REV1: variants seen among roughly 807,000 people sequenced by gnomAD.
REV1 encodes REV1 DNA directed polymerase, also known as translesion synthesis protein REV1.
REV1 carries 42 observed loss-of-function variants against 137.4 expected under a neutral mutation model. The ratio of observed to expected loss-of-function variants is 0.31; its 90% confidence interval spans 0.24 to 0.40. The LOEUF (loss-of-function observed/expected upper bound fraction) is 0.40. Among genes scored for constraint, REV1 ranks in the 10% least tolerant of loss-of-function variants. The pLI is 1.00. For missense variants in REV1, 1,282 were observed against 1,490.1 expected, an observed-to-expected ratio of 0.86 and a Z score of 2.30; for synonymous variants, 524 against 519.2, an observed-to-expected ratio of 1.01 and a Z score of -0.12.
chr2:99,409,580 A>G (rs1559291035), intron 14 of REV1, among the ~76,000 whole-genome samples: 1 of 152,214 alleles, frequency 6.6e-6, no homozygotes. Flanking sequence ...ACATTGGCTC[A>G]TGCCTGTAAT....
At chr2:99,408,598 TTTCA>T (rs1258091201) in intron 14 of REV1, among the ~76,000 whole-genome samples, 3 of 152,232 alleles carry the variant, frequency 2.0e-5, no homozygotes, top group Non-Finnish European at 4.4e-5. Flanking sequence ...TTGACTCTCC[TTTCA>T]TTGTGTTTAC....
chr2:99,470,030 A>C (rs2105210278), intron 1 of REV1, among the ~76,000 whole-genome samples: 1 of 152,080 alleles, frequency 6.6e-6, no homozygotes, highest in East Asian at 1.9e-4. Context: ...CTGAGGCAGG[A>C]GAATGGCGTG....
intron 3 of REV1, chr2:99,451,538 A>C: frequency 8.0e-7 from 1 of 1,257,356 alleles, no homozygotes; most frequent in Non-Finnish European, 1.1e-6. Flanking sequence ...CTATGGAATA[A>C]GACCGATCTG....
chr2:99,474,739 TAA>T (rs1685782558), intron 1 of REV1, among the ~76,000 whole-genome samples: 1 of 151,914 alleles, frequency 6.6e-6, no homozygotes, highest in South Asian at 2.1e-4. Context: ...CTGTCTCTAT[TAA>T]AAAGAAAAAA....
intron 13 of REV1, among the ~76,000 whole-genome samples, chr2:99,412,428 C>G (rs72956387): frequency 0.15 from 22,369 of 151,946 alleles, 1,805 homozygotes; most frequent in East Asian, 0.26. Flanking sequence ...AAATATTTTT[C>G]TCATCTTTTT....
chr2:99,448,129 C>T (rs756539041), intron 4 of REV1, among the ~76,000 whole-genome samples: 5 of 152,098 alleles, frequency 3.3e-5, no homozygotes, highest in African/African-American at 1.2e-4. Flanking sequence ...TGAATTTATG[C>T]GGCTAAATAC....
At chr2:99,454,550 CAAAAAAAAAAAAA>C (rs373850478) in intron 3 of REV1, among the ~76,000 whole-genome samples, 60 of 82,336 alleles carry the variant, frequency 7.3e-4, no homozygotes, top group Admixed American at 1.0e-3. Context: ...AACTCCAGCT[CAAAAAAAAAAAAA>C]AAAAAAAAAA....
chr2:99,434,394 G>A lies in REV1; in HGVS notation c.1376C>T (p.Pro459Leu). 1 of 1,605,728 alleles carries A rather than the reference G, an allele frequency of 6.2e-7. No homozygotes were observed. Among genetic ancestry groups the A allele is most frequent in the Non-Finnish European group, 8.5e-7 (1 of 1,176,338 alleles). ...CCACTCCAGCTGGGGGTTAGCGCCAGGACGTAAAGGTGCCCTTCCTGTGCC... is the reference window on the plus strand; with the variant it reads ...CCACTCCAGCTGGGGGTTAGCGCCAAGACGTAAAGGTGCCCTTCCTGTGCC... ...NRGTGRAPLR[P>L]GANPQLEWQY... Residue 459 changes from proline to leucine, a missense_variant, in exon 8 of 23, where the codon CCT becomes CTT. Pro to Leu is a moderately conservative substitution (Grantham distance 98). Around this residue, in one of 7 missense-constraint regions of REV1, gnomAD observed 432 missense variants for 438.0 expected, o/e 0.99. Transcript: ENST00000258428.
rs1677436195 is a variant in REV1 at position 99,413,276 on chromosome 2, C to T, written c.1952-325G>A. 2.0e-5 allele frequency among the ~76,000 whole-genome samples: 3 copies of T among 152,278 alleles called. No individual in the cohort carries two copies. In the South Asian group the frequency reaches 6.2e-4, roughly 32 times the overall value. ...AAGATATGTATCTTAGTCACAAAATCAACTAAGGAATCAACTGTCATTTAA... is the reference window on the plus strand; with the variant it reads ...AAGATATGTATCTTAGTCACAAAATTAACTAAGGAATCAACTGTCATTTAA... On this transcript the variant is annotated intron_variant, in intron 12 of 22. Coordinates refer to ENST00000258428, the MANE Select transcript of REV1 (RefSeq NM_016316.4).
chr2:99,473,848 T>C lies in REV1; in HGVS notation c.-10-8863A>G, dbSNP rs572487383. On this transcript the variant is annotated intron_variant, in intron 1 of 22. Coordinates refer to ENST00000258428, the MANE Select transcript of REV1 (RefSeq NM_016316.4). Reference sequence around the variant, plus strand: ...CCTTTTCTTGAAGTAAGTATGATCTTTCCATCTTTTCTTGGGACATTCTCT... The same window carrying C: ...CCTTTTCTTGAAGTAAGTATGATCTCTCCATCTTTTCTTGGGACATTCTCT... 3.9e-5 allele frequency among the ~76,000 whole-genome samples: 6 copies of C among 152,358 alleles called. No homozygotes were observed. In the South Asian group the frequency reaches 1.2e-3, roughly 32 times the overall value.
chr2:99,413,344 G>A (rs1268216607), intron 12 of REV1, among the ~76,000 whole-genome samples: 1 of 152,134 alleles, frequency 6.6e-6, no homozygotes, highest in Non-Finnish European at 1.5e-5. Flanking sequence ...ACCAACTCAC[G>A]AAATGTAAGG....
intron 10 of REV1, among the ~76,000 whole-genome samples, chr2:99,422,186 A>T (rs1022478668): frequency 6.6e-6 from 1 of 152,180 alleles, no homozygotes; most frequent in Non-Finnish European, 1.5e-5. Flanking sequence ...AGTCATCCCA[A>T]CTGCTTGTCT....
At chr2:99,406,260 C>A in intron 16 of REV1, 65 bp downstream of exon 16, 1 of 1,500,352 alleles carries the variant, frequency 6.7e-7, no homozygotes, top group Non-Finnish European at 8.9e-7. Context: ...AATTTTAAAA[C>A]CAACTGCCGT....
chr2:99,487,253 T>TGGA (rs1575277084), intron 1 of REV1, among the ~76,000 whole-genome samples: 16 of 52,368 alleles, frequency 3.1e-4, no homozygotes, highest in Non-Finnish European at 3.9e-4. Context: ...CAAATCATGC[T>TGGA]ATGCCCTGAT....
intron 8 of REV1, among the ~76,000 whole-genome samples, chr2:99,431,559 T>C (rs1370782123): frequency 1.3e-5 from 2 of 152,208 alleles, no homozygotes; most frequent in Non-Finnish European, 2.9e-5. Flanking sequence ...CCATGAGTTA[T>C]GCCTTACAAG....
chr2:99,482,178 A>C (rs1407220697), intron 1 of REV1, among the ~76,000 whole-genome samples: 1 of 152,244 alleles, frequency 6.6e-6, no homozygotes, highest in Non-Finnish European at 1.5e-5. Flanking sequence ...TAAAAGTCCC[A>C]TAAAAACTCC....
rs1365601674 is a variant in REV1 at position 99,439,372 on chromosome 2, C to A, written c.504-62G>T. On this transcript the variant is annotated intron_variant, in intron 5 of 22. Transcript: ENST00000258428. Reference sequence around the variant, plus strand: ...GACTTTTAGGTTAAAACAATTTTTTCATTTCATCATTTTCTTAGTGGTACA... The same window carrying A: ...GACTTTTAGGTTAAAACAATTTTTTAATTTCATCATTTTCTTAGTGGTACA... 3.4e-6 allele frequency: 4 copies of A among 1,174,270 alleles called. No individual in the cohort carries two copies. In the East Asian group the frequency reaches 7.3e-5, roughly 21 times the overall value. The allele number at this position is 1,174,270 out of a possible 1,614,324, so 72.7% of individuals were successfully genotyped here.
At chr2:99,403,597 A>G (rs1311347232) in intron 19 of REV1, 98 bp downstream of exon 19, 73 of 1,488,574 alleles carry the variant, frequency 4.9e-5, no homozygotes, top group Admixed American at 1.7e-5. Context: ...TTAATGCAAC[A>G]GCTTAGACTT....
intron 4 of REV1, among the ~76,000 whole-genome samples, chr2:99,447,844 C>T (rs1463485969): frequency 6.6e-6 from 1 of 152,112 alleles, no homozygotes; most frequent in African/African-American, 2.4e-5. Context: ...CCTCAGCCTC[C>T]CAAGTAACCG....
Sources: gnomAD v4.1 joint callset for allele counts (sites outside exome capture counted in the v4.1 genomes callset) on GRCh38, gnomAD v4.1.1 for gene constraint, gnomAD v4.1.1 regional missense constraint, MANE v1.5 for transcripts, NCBI Gene and HGNC (gene_info 2026-07-23, HGNC 2026-07-21) for gene names.